Variants in PTPRD observed in about 807,000 individuals in gnomAD.
The protein encoded by PTPRD is receptor-type tyrosine-protein phosphatase delta.
In PTPRD, 34 loss-of-function variants were observed where a neutral mutation model predicts 214.5. That is an observed-to-expected ratio of 0.16 (90% CI 0.12 to 0.21). PTPRD has a LOEUF of 0.21. Ranked by LOEUF, PTPRD falls within the 10% of genes least tolerant of loss-of-function variation. PTPRD has a pLI of 1.00. For synonymous variants in PTPRD, 1,128 were observed against 845.7 expected, an observed-to-expected ratio of 1.33 and a Z score of -5.79; for missense variants, 2,545 against 2,398.7, an observed-to-expected ratio of 1.06 and a Z score of -1.27.
chr9:9,284,573 C>T (rs1948772506), intron 9 of PTPRD, among the ~76,000 whole-genome samples: 1 of 151,726 alleles, frequency 6.6e-6, no homozygotes, highest in African/African-American at 2.4e-5. Context: ...ATTTCTCCAC[C>T]AGTCCCTCAG....
intron 7 of PTPRD, among the ~76,000 whole-genome samples, chr9:9,586,770 G>C (rs1563877403): frequency 6.6e-6 from 1 of 151,926 alleles, no homozygotes. Context: ...AGGTATGACT[G>C]TTAAAAACAG....
intron 2 of PTPRD, among the ~76,000 whole-genome samples, chr9:10,426,994 C>T (rs755795934): frequency 6.6e-6 from 1 of 151,992 alleles, no homozygotes; most frequent in Non-Finnish European, 1.5e-5. Flanking sequence ...ATTAAAGAGT[C>T]TTACAAGAGA....
In PTPRD at chr9:10,596,625, G is replaced by C. The variant is rs1006642706; in HGVS notation, c.-600+15773C>G. Among the ~76,000 whole-genome samples, 57 of 151,692 alleles carry C rather than the reference G, an allele frequency of 3.8e-4. 1 individual carries two copies. The highest frequency in any genetic ancestry group is 1.3e-3 in the African/African-American group (55 of 41,490). ...TTGTAATAAGCAGGGAATTAAATAA[G>C]TTAACCCATGCTTCCACATTGAGTG... On this transcript the variant is annotated intron_variant, in intron 2 of 45. Transcript: ENST00000381196.
intron 14 of PTPRD, among the ~76,000 whole-genome samples, chr9:8,607,028 G>A (rs1300973935): frequency 1.3e-5 from 2 of 152,176 alleles, no homozygotes; most frequent in African/African-American, 4.8e-5. Flanking sequence ...GACTACCTGG[G>A]GCTGCAGGGT....
chr9:10,082,949 T>C (rs2098268156), intron 3 of PTPRD, among the ~76,000 whole-genome samples: 1 of 151,826 alleles, frequency 6.6e-6, no homozygotes, highest in African/African-American at 2.4e-5. Flanking sequence ...TAAACGACAG[T>C]TCTTACTTTA....
At chr9:9,683,170 G>C (rs1038826295) in intron 7 of PTPRD, among the ~76,000 whole-genome samples, 10 of 151,732 alleles carry the variant, frequency 6.6e-5, no homozygotes, top group Non-Finnish European at 1.3e-4. Flanking sequence ...GAATAAGTTA[G>C]GCAGTCCCTG....
At chr9:9,046,114 T>C (rs542917681) in intron 10 of PTPRD, among the ~76,000 whole-genome samples, 3 of 152,314 alleles carry the variant, frequency 2.0e-5, no homozygotes, top group Admixed American at 2.0e-4. Flanking sequence ...AACTTTATTA[T>C]CTATATCTTT....
intron 14 of PTPRD, among the ~76,000 whole-genome samples, chr9:8,627,478 T>G (rs897582779): frequency 6.6e-6 from 1 of 151,874 alleles, no homozygotes; most frequent in African/African-American, 2.4e-5. Context: ...CAGTAAACAC[T>G]CGCATGAGTT....
At chr9:8,565,576 T>C (rs1282317019) in intron 14 of PTPRD, among the ~76,000 whole-genome samples, 1 of 152,164 alleles carries the variant, frequency 6.6e-6, no homozygotes, top group Non-Finnish European at 1.5e-5. Context: ...AATAGGTGCA[T>C]TTGGTTTTTA....
intron 9 of PTPRD, among the ~76,000 whole-genome samples, chr9:9,256,518 A>C (rs1240067369): frequency 6.6e-6 from 1 of 151,868 alleles, no homozygotes; most frequent in Non-Finnish European, 1.5e-5. Context: ...TGACCTAATA[A>C]AAATTCCTTG....
chr9:8,561,404 T>C (rs1032015825), intron 14 of PTPRD, among the ~76,000 whole-genome samples: 3 of 152,116 alleles, frequency 2.0e-5, no homozygotes, highest in African/African-American at 4.8e-5. Context: ...TCTCTGCCCA[T>C]CCTCACCCTT....
intron 14 of PTPRD, among the ~76,000 whole-genome samples, chr9:8,544,360 G>T (rs948979750): frequency 1.6e-4 from 24 of 151,372 alleles, no homozygotes; most frequent in African/African-American, 5.6e-4. Flanking sequence ...GGGATTACAG[G>T]CATGAGCCAA....
intron 5 of PTPRD, among the ~76,000 whole-genome samples, chr9:9,855,705 G>A (rs1354066651): frequency 6.6e-6 from 1 of 152,218 alleles, no homozygotes; most frequent in Admixed American, 6.5e-5. Context: ...CAACACGCAG[G>A]AGAGTGGGTG....
At chr9:8,382,609 C>T (rs755117850) in intron 37 of PTPRD, among the ~76,000 whole-genome samples, 21 of 152,138 alleles carry the variant, frequency 1.4e-4, no homozygotes, top group Non-Finnish European at 2.4e-4. Flanking sequence ...TTTTATCTGA[C>T]GCTGTGTCTG....
intron 7 of PTPRD, among the ~76,000 whole-genome samples, chr9:9,575,834 G>T (rs2088518816): frequency 6.7e-6 from 1 of 149,922 alleles, no homozygotes; most frequent in Admixed American, 6.7e-5. Flanking sequence ...TCTCATTTTG[G>T]TGCAGTGGTA....
At position 10,062,355 on chromosome 9, in the gene PTPRD, C is replaced by T. The variant is rs1360656950; in HGVS notation, c.-544-28565G>A. On this transcript the variant is annotated intron_variant, in intron 3 of 45. Coordinates refer to ENST00000381196, the MANE Select transcript of PTPRD (RefSeq NM_002839.4). The stretch of plus-strand genomic sequence containing the variant: ...TGCAGTGGCTCGATGCCTGTAATCC[C>T]AGCATTTTGGGAGGCCAAGGTGGGA... 2.0e-5 allele frequency among the ~76,000 whole-genome samples: 3 copies of T among 151,960 alleles called. No homozygotes were observed. In the East Asian group the frequency reaches 5.8e-4, roughly 30 times the overall value.
At chr9:8,770,513 G>A (rs988749069) in intron 11 of PTPRD, among the ~76,000 whole-genome samples, 4 of 152,034 alleles carry the variant, frequency 2.6e-5, no homozygotes, top group African/African-American at 7.2e-5. Flanking sequence ...TGTGTAATAT[G>A]GAAGATTTAA....
intron 4 of PTPRD, among the ~76,000 whole-genome samples, chr9:9,949,575 A>C (rs554718789): frequency 8.7e-4 from 133 of 152,270 alleles, no homozygotes; most frequent in African/African-American, 2.9e-3. Flanking sequence ...AAAGGGAAAA[A>C]TCATACGACC....
intron 3 of PTPRD, among the ~76,000 whole-genome samples, chr9:10,282,998 C>A (rs530105588): frequency 2.8e-4 from 42 of 152,108 alleles, no homozygotes; most frequent in Non-Finnish European, 3.4e-4. Flanking sequence ...AATATCTGTT[C>A]TTTTGCATGA....
Sources: allele counts gnomAD v4.1 joint callset (sites outside exome capture counted in the v4.1 genomes callset), GRCh38; gene constraint gnomAD v4.1.1; transcripts MANE v1.5; gene names NCBI Gene and HGNC (gene_info 2026-07-23, HGNC 2026-07-21).